Variants in FANCA observed in about 807,000 individuals in gnomAD.
FANCA encodes the protein FA complementation group A.
FANCA carries 236 observed loss-of-function variants against 194.3 expected under a neutral mutation model. The observed-to-expected ratio is 1.21, with a 90% CI of 1.09 to 1.35. FANCA has a LOEUF of 1.35. Among genes scored for constraint, FANCA ranks in the 40% most tolerant of loss-of-function variants. FANCA has a pLI of 0.00. For missense variants in FANCA, 2,628 were observed against 1,813.9 expected (o/e 1.45, Z -8.15); for synonymous variants, 1,014 against 715.8 (o/e 1.42, Z -6.65).
intron 21 of FANCA, among the ~76,000 whole-genome samples, chr16:89,774,948 G>C (rs2039451081): frequency 6.6e-6 from 1 of 151,754 alleles, no homozygotes; most frequent in African/African-American, 2.4e-5. Context: ...ACAAAAACTA[G>C]CAAGGCGTAG....
At chr16:89,782,507 C>G (rs1353266864) in intron 17 of FANCA, among the ~76,000 whole-genome samples, 1 of 147,866 alleles carries the variant, frequency 6.8e-6, no homozygotes, top group Non-Finnish European at 1.5e-5. Context: ...AAGACTGCAT[C>G]TCCAAAAAAA....
At chr16:89,814,993 G>A (rs745326084) in intron 2 of FANCA, among the ~76,000 whole-genome samples, 1 of 152,134 alleles carries the variant, frequency 6.6e-6, no homozygotes. Context: ...CAAGATCTGT[G>A]CATAAACACA....
At chr16:89,742,017 G>A (rs2062145650) in intron 37 of FANCA, among the ~76,000 whole-genome samples, 1 of 151,514 alleles carries the variant, frequency 6.6e-6, no homozygotes, top group South Asian at 2.1e-4. Context: ...CCAGACTGCA[G>A]GGCAGTGGCG....
Position 89,810,947 on chromosome 16 carries a change from C to A in FANCA, c.408G>T (p.Leu136=), listed in dbSNP as rs2143679402. Reference sequence around the variant, plus strand: ...GTCTTACTCTCTGCTCCACAGTCAGCAGCACAGGGTGACTGGTCTCCGCTG... The same window carrying A: ...GTCTTACTCTCTGCTCCACAGTCAGAAGCACAGGGTGACTGGTCTCCGCTG... ...TAPAETSHPV[L]LTVEQRKKLS... The change falls in exon 4 of 43, where the codon CTG becomes CTT. Residue 136 remains leucine, a synonymous_variant. Transcript: ENST00000389301. 2 of 1,614,158 alleles carry A rather than the reference C, an allele frequency of 1.2e-6. No homozygotes were observed. The highest frequency in any genetic ancestry group is 1.7e-6 in the Non-Finnish European group (2 of 1,180,038).
chr16:89,815,021 G>A (rs147365062), intron 2 of FANCA, among the ~76,000 whole-genome samples: 24 of 152,230 alleles, frequency 1.6e-4, no homozygotes, highest in African/African-American at 5.8e-4. Flanking sequence ...TGTAAGTAAT[G>A]CTTCCCTACT....
intron 22 of FANCA, among the ~76,000 whole-genome samples, chr16:89,772,571 C>A (rs184487400): frequency 2.6e-5 from 4 of 152,052 alleles, no homozygotes; most frequent in Admixed American, 2.6e-4. Context: ...AATCCCAGCA[C>A]TTTGGGAGGC....
rs751342225 is a variant in FANCA at position 89,771,721 on chromosome 16, T to G, written c.2108A>C (p.Gln703Pro). Residue 703 changes from glutamine to proline, a missense_variant, in exon 23 of 43, where the codon CAG becomes CCG. Transcript: ENST00000389301. ...CAGTCTCGGCGTGTTGATGCTGAGC[T>G]GAATCTTTGATATCTCAACGCTGCT... Reference protein sequence around the residue: ...DDSSVEISKIQLSINTPRLEP... With the variant: ...DDSSVEISKIPLSINTPRLEP... The G allele has an allele frequency of 8.7e-6, 14 of 1,614,194 alleles. No homozygotes were observed. The highest frequency in any genetic ancestry group is 1.2e-5 in the Non-Finnish European group (14 of 1,180,038).
intron 6 of FANCA, among the ~76,000 whole-genome samples, chr16:89,807,579 A>G (rs1737506043): frequency 6.6e-6 from 1 of 151,894 alleles, no homozygotes; most frequent in Admixed American, 6.6e-5. Flanking sequence ...GCGAAACCAC[A>G]TCTCTACTAA....
At chr16:89,811,219 CAT>C in intron 3 of FANCA, 148 bp from the exon 4 acceptor site, 1 of 965,576 alleles carries the variant, frequency 1.0e-6, no homozygotes. Flanking sequence ...AAGGGAAAAA[CAT>C]GAGATAAAAA....
chr16:89,738,801 C>T, intron 42 of FANCA, 81 bp downstream of exon 42: 1 of 1,613,482 alleles, frequency 6.2e-7, no homozygotes, highest in Non-Finnish European at 8.5e-7. Context: ...AGTTGTATTG[C>T]CAGCCAGGCA....
rs1052340098 is a variant in FANCA at position 89,773,986 on chromosome 16, G to T, written c.1901-602C>A. On this transcript the variant is annotated intron_variant, in intron 21 of 42. Coordinates refer to ENST00000389301, the MANE Select transcript of FANCA (RefSeq NM_000135.4). ...GGATTTCACCACGTTGGCCAAGATG[G>T]TCTCGATCTCCTGACCTCATGATTT... 2.0e-5 allele frequency among the ~76,000 whole-genome samples: 3 copies of T among 152,142 alleles called. 1 individual carries two copies. Among genetic ancestry groups the T allele is most frequent in the African/African-American group, 7.2e-5 (3 of 41,510 alleles).
rs34088132 is a variant in FANCA at position 89,744,677 on chromosome 16, G to GT, written c.3626+281dup. On this transcript the variant is annotated intron_variant, in intron 36 of 42. Transcript: ENST00000389301. Reference sequence around the variant, plus strand: ...ACTGGCAGAGGCTGTTTTTTTTTTTGTTTTTTTTCTGGACAGAGTCTTGCT... The same window carrying GT: ...ACTGGCAGAGGCTGTTTTTTTTTTTGTTTTTTTTTCTGGACAGAGTCTTGCT... 0.038 allele frequency: 14,186 copies of GT among 376,228 alleles called. 610 individuals carry two copies. Among genetic ancestry groups the GT allele is most frequent in the African/African-American group, 0.14 (6,451 of 46,286 alleles). 23.3% of individuals were successfully genotyped at this position (376,228 alleles called of 1,614,324 possible).
intron 6 of FANCA, among the ~76,000 whole-genome samples, chr16:89,806,859 G>A (rs913317212): frequency 6.6e-6 from 1 of 152,122 alleles, no homozygotes; most frequent in African/African-American, 2.4e-5. Context: ...TCAATGAGCT[G>A]TTGGGTACAC....
At chr16:89,791,200 A>G (rs1598151324) in intron 14 of FANCA, 1 of 665,192 alleles carries the variant, frequency 1.5e-6, no homozygotes, top group Non-Finnish European at 2.6e-6. Flanking sequence ...CGGAACATGC[A>G]GAGGAAGATC....
chr16:89,764,913 C>A lies in FANCA; in HGVS notation c.2755G>T (p.Val919Leu), dbSNP rs150330232. 1 of 1,614,144 alleles carries A rather than the reference C, an allele frequency of 6.2e-7. No individual in the cohort carries two copies. Among genetic ancestry groups the A allele is most frequent in the South Asian group, 1.1e-5 (1 of 91,076 alleles). The change falls in exon 28 of 43, where the codon GTG becomes TTG. Residue 919 changes from valine to leucine, a missense_variant. Coordinates refer to ENST00000389301, the MANE Select transcript of FANCA (RefSeq NM_000135.4). Reference sequence around the variant, plus strand: ...ACGTGAACATCTTCCTCTTTCAACACCTCTCGGAAGGTTCTGTGTGTCCAG... The same window carrying A: ...ACGTGAACATCTTCCTCTTTCAACAACTCTCGGAAGGTTCTGTGTGTCCAG... ...SLWTHRTFRE[V>L]LKEEDVHLTY...
At chr16:89,742,652 A>G (rs866254980) in intron 37 of FANCA, 148 bp downstream of exon 37, 2 of 757,514 alleles carry the variant, frequency 2.6e-6, no homozygotes, top group Non-Finnish European at 4.0e-6. Flanking sequence ...TACTAAAAAT[A>G]CAAAAAAAAA....
intron 30 of FANCA, among the ~76,000 whole-genome samples, chr16:89,755,338 C>G (rs142886449): frequency 0.01 from 1,559 of 152,158 alleles, 31 homozygotes; most frequent in African/African-American, 0.035. Flanking sequence ...CTCAGCCTCC[C>G]GAGTAGCTGG....
chr16:89,752,049 C>T lies in FANCA; in HGVS notation c.3066+89G>A, dbSNP rs563382173. ...CCTCCCAAAGTTCTGGGATTACAGG[C>T]GTGAGCCACCGCGCCTGGCAATAAA... On this transcript the variant is annotated intron_variant, in intron 31 of 42. Transcript: ENST00000389301. 3.0e-5 allele frequency: 35 copies of T among 1,163,128 alleles called. No homozygotes were observed. The Admixed American group carries it at 3.5e-4, about 12-fold the overall frequency. The allele number at this position is 1,163,128 out of a possible 1,614,324, so 72.1% of individuals were successfully genotyped here.
chr16:89,750,081 G>A (rs1422295769), intron 31 of FANCA, among the ~76,000 whole-genome samples, 179 bp from the exon 32 acceptor site: 3 of 152,214 alleles, frequency 2.0e-5, no homozygotes, highest in Non-Finnish European at 4.4e-5. Context: ...GAACAGTGCA[G>A]GCCGGGTGCT....
Sources: allele counts gnomAD v4.1 joint callset (sites outside exome capture counted in the v4.1 genomes callset), GRCh38; gene constraint gnomAD v4.1.1; transcripts MANE v1.5; gene names NCBI Gene and HGNC (gene_info 2026-07-23, HGNC 2026-07-21).